C10orf67: variants seen among roughly 807,000 people sequenced by gnomAD.
C10orf67 encodes the protein uncharacterized protein C10orf67, mitochondrial.
C10orf67 carries 60 observed loss-of-function variants against 35.6 expected under a neutral mutation model. That is an observed-to-expected ratio of 1.68 (90% CI 1.37 to 2.09). The LOEUF (loss-of-function observed/expected upper bound fraction) is 2.09, where lower values mean the gene tolerates loss of function less well. Ranked by LOEUF, C10orf67 falls within the 30% of genes most tolerant of loss-of-function variation. The pLI is 0.00. For synonymous variants in C10orf67, 167 were observed against 115.8 expected, an observed-to-expected ratio of 1.44 and a Z score of -2.84; for missense variants, 474 against 330.2, an observed-to-expected ratio of 1.44 and a Z score of -3.38.
chr10:23,327,401 C>T (rs896249358), intron 2 of C10orf67, among the ~76,000 whole-genome samples: 3 of 151,962 alleles, frequency 2.0e-5, no homozygotes, highest in Admixed American at 6.6e-5. Context: ...GAAATCAGAA[C>T]GATTTACCAG....
intron 10 of C10orf67, among the ~76,000 whole-genome samples, chr10:23,259,288 T>C (rs1308922874): frequency 1.3e-5 from 2 of 152,208 alleles, no homozygotes; most frequent in Non-Finnish European, 2.9e-5. Flanking sequence ...GATCAGACTT[T>C]TGGCTGTTTC....
rs200386652 is a variant in C10orf67, at chr10:23,263,582, C to A, written c.1200+2680G>T. 1.1e-3 allele frequency among the ~76,000 whole-genome samples: 167 copies of A among 152,178 alleles called. 4 individuals carry two copies. In the East Asian group the frequency reaches 0.025, roughly 23 times the overall value. ...TAAGAATGGGAACATGACTGATTTT[C>A]TCCTATGTCCCATTTCCCACACAGA... On this transcript the variant is annotated intron_variant, in intron 10 of 15. Transcript: ENST00000636213.
chr10:23,281,516 CGGGGCTG>C (rs965794909), intron 8 of C10orf67, among the ~76,000 whole-genome samples: 29 of 148,196 alleles, frequency 2.0e-4, no homozygotes, highest in Non-Finnish European at 3.7e-4. Context: ...GCTGCTGTGG[CGGGGCTG>C]GGGGCTGGGG....
intron 12 of C10orf67, among the ~76,000 whole-genome samples, chr10:23,244,602 C>A (rs746856310): frequency 1.3e-5 from 2 of 151,972 alleles, no homozygotes; most frequent in Non-Finnish European, 2.9e-5. Context: ...CCATTTATAA[C>A]AGTGTCAAAA....
chr10:23,302,841 G>A (rs1350882634), intron 5 of C10orf67, among the ~76,000 whole-genome samples: 1 of 152,156 alleles, frequency 6.6e-6, no homozygotes, highest in Non-Finnish European at 1.5e-5. Flanking sequence ...AAAACTGAGG[G>A]GAAAATCCTC....
At chr10:23,226,444 G>T (rs1468646168) in intron 13 of C10orf67, among the ~76,000 whole-genome samples, 1 of 151,458 alleles carries the variant, frequency 6.6e-6, no homozygotes, top group East Asian at 1.9e-4. Flanking sequence ...AAAGCAGTGT[G>T]TAGAGGGAAA....
At chr10:23,294,752 T>C (rs936229242) in intron 5 of C10orf67, among the ~76,000 whole-genome samples, 2 of 152,226 alleles carry the variant, frequency 1.3e-5, no homozygotes, top group Admixed American at 1.3e-4. Flanking sequence ...CTTCCACTGC[T>C]ACTTTGAAAT....
chr10:23,263,894 C>T (rs1029429112), intron 10 of C10orf67, among the ~76,000 whole-genome samples: 1 of 152,162 alleles, frequency 6.6e-6, no homozygotes, highest in Non-Finnish European at 1.5e-5. Context: ...TAATAGAAAT[C>T]AGACAGCTAA....
intron 2 of C10orf67, among the ~76,000 whole-genome samples, chr10:23,329,039 GAA>G (rs1242576458): frequency 1.2e-4 from 17 of 137,694 alleles, no homozygotes; most frequent in Admixed American, 3.6e-4. Flanking sequence ...AAAAAGAAAA[GAA>G]AGAAAGAGTA....
intron 2 of C10orf67, among the ~76,000 whole-genome samples, chr10:23,328,993 C>CAAAAAAAAAAAAAAAAAAAAAAAAAAA (rs57772405): frequency 2.3e-4 from 18 of 78,732 alleles, no homozygotes; most frequent in Admixed American, 4.6e-4. Flanking sequence ...CATAAACGAA[C>CAAAAAAAAAAAAAAAAAAAAAAAAAAA]AAAAAAAAAA....
intron 1 of C10orf67, among the ~76,000 whole-genome samples, chr10:23,337,702 G>A (rs1356821922): frequency 1.3e-5 from 2 of 152,132 alleles, no homozygotes; most frequent in Non-Finnish European, 2.9e-5. Flanking sequence ...ACAAGGTCAA[G>A]GTTAATGAGG....
At chr10:23,324,672 C>T (rs1191657518) in intron 2 of C10orf67, among the ~76,000 whole-genome samples, 1 of 152,202 alleles carries the variant, frequency 6.6e-6, no homozygotes, top group Non-Finnish European at 1.5e-5. Flanking sequence ...AGGAGGATTG[C>T]TTCTGCTGCC....
At position 23,320,751 on chromosome 10, in the gene C10orf67, C is replaced by A. The variant is rs750123026; in HGVS notation, c.536G>T (p.Gly179Val). 6.3e-7 allele frequency: 1 copy of A among 1,590,024 alleles called. No homozygotes were observed. The highest frequency in any genetic ancestry group is 1.2e-5 in the South Asian group (1 of 86,394). ...QLADAIAVIK[G>V]MYQQFFEVEE... is the part of the protein sequence containing the mutation. ...GAAACAGAAACTCACCTGGTACATT[C>A]CTTTGATAACAGCTATGGCATCAGC... is the stretch of plus-strand genomic sequence containing the variant. The change falls in exon 4 of 16, where the codon GGA becomes GTA. Residue 179 changes from glycine to valine, a missense_variant. Gly to Val is a moderately radical substitution (Grantham distance 109). Transcript: ENST00000636213.
intron 5 of C10orf67, among the ~76,000 whole-genome samples, chr10:23,295,829 C>T (rs1235076514): frequency 1.3e-5 from 2 of 152,148 alleles, no homozygotes; most frequent in Admixed American, 6.5e-5. Flanking sequence ...AAGATATATA[C>T]AAAAATTAAT....
At chr10:23,340,777 A>G (rs1484759456) in intron 1 of C10orf67, among the ~76,000 whole-genome samples, 5 of 152,258 alleles carry the variant, frequency 3.3e-5, no homozygotes, top group Non-Finnish European at 7.3e-5. Flanking sequence ...TTATAGTCTC[A>G]GCAATTCTAT....
chr10:23,253,925 G>A (rs1467034832), intron 10 of C10orf67, among the ~76,000 whole-genome samples: 1 of 151,884 alleles, frequency 6.6e-6, no homozygotes, highest in South Asian at 2.1e-4. Context: ...TCTCCAGTTC[G>A]AGTTGAACTT....
intron 10 of C10orf67, among the ~76,000 whole-genome samples, chr10:23,264,278 A>G (rs1465840271): frequency 6.6e-6 from 1 of 152,244 alleles, no homozygotes; most frequent in African/African-American, 2.4e-5. Context: ...TACACTTAAC[A>G]AAGTGTAAGT....
intron 9 of C10orf67, 33 bp from the exon 10 acceptor site, chr10:23,266,459 T>G (rs748992541): frequency 6.8e-5 from 27 of 398,422 alleles, no homozygotes; most frequent in Non-Finnish European, 8.4e-5. Flanking sequence ...TTTGTTATTC[T>G]CATTTTGTTT....
At chr10:23,244,526 C>T (rs920968138) in intron 12 of C10orf67, among the ~76,000 whole-genome samples, 3 of 152,006 alleles carry the variant, frequency 2.0e-5, no homozygotes, top group Non-Finnish European at 2.9e-5. Context: ...ACAAAATAAA[C>T]ATACAAAAAT....
Sources: gnomAD v4.1 joint callset for allele counts (sites outside exome capture counted in the v4.1 genomes callset) on GRCh38, gnomAD v4.1.1 for gene constraint, MANE v1.5 for transcripts, NCBI Gene and HGNC (gene_info 2026-07-23, HGNC 2026-07-21) for gene names.